Variants in PTPRN2 observed in about 807,000 individuals in gnomAD.
PTPRN2 encodes the protein protein tyrosine phosphatase receptor type N2.
PTPRN2 carries 74 observed loss-of-function variants against 118.8 expected under a neutral mutation model. The observed-to-expected ratio is 0.62, with a 90% CI of 0.52 to 0.76. The LOEUF is 0.76. PTPRN2 is among the 30% of genes least tolerant of loss of function. The pLI, the probability that PTPRN2 is intolerant of heterozygous loss-of-function variation, is 0.00. For missense variants in PTPRN2, 1,481 were observed against 1,394.4 expected (o/e 1.06, Z -0.99); for synonymous variants, 641 against 608.0 (o/e 1.05, Z -0.80).
chr7:158,404,207 C>T (rs1366565392), intron 2 of PTPRN2, among the ~76,000 whole-genome samples: 3 of 152,230 alleles, frequency 2.0e-5, no homozygotes, highest in African/African-American at 7.2e-5. Flanking sequence ...CTGGACGTCA[C>T]CAGAACACCT....
chr7:158,430,368 G>A (rs59362359), intron 2 of PTPRN2, among the ~76,000 whole-genome samples: 4,755 of 152,338 alleles, frequency 0.031, 99 homozygotes, highest in Middle Eastern at 0.086. Context: ...CTGTAGACCC[G>A]GAAGTCGGTA....
At chr7:158,004,751 A>G (rs1251323895) in intron 11 of PTPRN2, among the ~76,000 whole-genome samples, 1 of 152,224 alleles carries the variant, frequency 6.6e-6, no homozygotes, top group African/African-American at 2.4e-5. Context: ...AAGCAAATGC[A>G]TGTAAATTTC....
At position 157,868,447 on chromosome 7, in the gene PTPRN2, C is replaced by G. The variant is rs1810853192; in HGVS notation, c.1788+30226G>C. The G allele has an allele frequency of 6.6e-6, 1 of 152,300 alleles. No homozygotes were observed. The highest frequency in any genetic ancestry group is 1.5e-5 in the Non-Finnish European group (1 of 68,094). 9.4% of individuals were successfully genotyped at this position (152,300 alleles called of 1,614,324 possible). ...GCAGACCCAGCCTCTGGATTAAAACCATGCCTGGAGGAAACTGGCCTTGTG... is the reference window on the plus strand; with the variant it reads ...GCAGACCCAGCCTCTGGATTAAAACGATGCCTGGAGGAAACTGGCCTTGTG... On this transcript the variant is annotated intron_variant, in intron 12 of 22. Coordinates refer to ENST00000389418, the MANE Select transcript of PTPRN2 (RefSeq NM_002847.5). The surrounding 1 kb of genome is among the most constrained non-coding windows in gnomAD (Gnocchi z 5.2).
At chr7:158,225,834 T>C (rs1328165958) in intron 3 of PTPRN2, among the ~76,000 whole-genome samples, 1 of 151,354 alleles carries the variant, frequency 6.6e-6, no homozygotes, top group African/African-American at 2.4e-5. Flanking sequence ...GGGAAGGGAC[T>C]TGGGGCTGTG....
chr7:157,793,425 C>T (rs1005345224), intron 12 of PTPRN2, among the ~76,000 whole-genome samples: 6 of 151,942 alleles, frequency 3.9e-5, no homozygotes, highest in South Asian at 2.1e-4. Flanking sequence ...GAGTTTGACC[C>T]TTGAATTGTT....
chr7:157,551,690 C>A (rs867905518), intron 21 of PTPRN2, among the ~76,000 whole-genome samples: 55 of 137,448 alleles, frequency 4.0e-4, no homozygotes, highest in Non-Finnish European at 7.8e-4. Flanking sequence ...CACCCCACAG[C>A]CACCACACAC....
chr7:157,692,411 A>G (rs1797550808), intron 12 of PTPRN2, among the ~76,000 whole-genome samples: 1 of 151,986 alleles, frequency 6.6e-6, no homozygotes, highest in East Asian at 1.9e-4. Flanking sequence ...CTTTTCTCTC[A>G]CAAACCTAGT....
At chr7:157,818,638 A>G (rs1405900871) in intron 12 of PTPRN2, among the ~76,000 whole-genome samples, 1 of 152,132 alleles carries the variant, frequency 6.6e-6, no homozygotes, top group Admixed American at 6.5e-5. Flanking sequence ...CTGGAGTCCA[A>G]GGCCCTGGGT....
chr7:158,142,956 GAA>G (rs1375911553), intron 6 of PTPRN2, among the ~76,000 whole-genome samples: 1 of 152,124 alleles, frequency 6.6e-6, no homozygotes, highest in African/African-American at 2.4e-5. Flanking sequence ...GTGCTGTTTT[GAA>G]AATGTGCTGC....
At chr7:157,721,195 G>T (rs1228294338) in intron 12 of PTPRN2, among the ~76,000 whole-genome samples, 1 of 152,222 alleles carries the variant, frequency 6.6e-6, no homozygotes, top group Non-Finnish European at 1.5e-5. Flanking sequence ...GAAAATTCCT[G>T]CTAAGAACAC....
At chr7:157,936,547 C>T (rs1799711034) in intron 11 of PTPRN2, among the ~76,000 whole-genome samples, 1 of 152,120 alleles carries the variant, frequency 6.6e-6, no homozygotes, top group Non-Finnish European at 1.5e-5. Context: ...TCTAGTGTCT[C>T]CTCCACTCGG....
At chr7:157,541,748 C>G (rs1372716353) in intron 22 of PTPRN2, among the ~76,000 whole-genome samples, 1 of 152,140 alleles carries the variant, frequency 6.6e-6, no homozygotes, top group Non-Finnish European at 1.5e-5. Flanking sequence ...CAGGGCAGCC[C>G]CAAGCCAAAA....
At chr7:157,920,518 A>G (rs2128769239) in intron 11 of PTPRN2, among the ~76,000 whole-genome samples, 1 of 152,308 alleles carries the variant, frequency 6.6e-6, no homozygotes, top group African/African-American at 2.4e-5. Flanking sequence ...CTTCTTTTGA[A>G]CATGAAGTTC....
Position 158,152,194 on chromosome 7 carries a change from A to G in PTPRN2, c.911-13679T>C, listed in dbSNP as rs1246308765. On this transcript the variant is annotated intron_variant, in intron 6 of 22. Coordinates refer to ENST00000389418, the MANE Select transcript of PTPRN2 (RefSeq NM_002847.5). Reference sequence around the variant, plus strand: ...GTCTCAAAAAAAAAAAAAAAAAACCATGAATGCACAGAATATGTGGTGGTG... The same window carrying G: ...GTCTCAAAAAAAAAAAAAAAAAACCGTGAATGCACAGAATATGTGGTGGTG... 2.1e-5 allele frequency among the ~76,000 whole-genome samples: 3 copies of G among 141,916 alleles called. No individual in the cohort carries two copies. The East Asian group carries it at 6.0e-4, about 29-fold the overall frequency. 93.1% of individuals were successfully genotyped at this position (141,916 alleles called of 152,430 possible). A position where few individuals can be genotyped will look rare whatever the true frequency, so the allele number is the denominator to read the frequency against.
intron 14 of PTPRN2, among the ~76,000 whole-genome samples, chr7:157,648,679 C>A (rs146600118): frequency 0.038 from 5,073 of 133,952 alleles, 205 homozygotes; most frequent in East Asian, 0.13. Context: ...GACCCTTTCA[C>A]TGTGCACTGA....
chr7:158,181,668 G>A (rs924143627), intron 5 of PTPRN2, among the ~76,000 whole-genome samples: 2 of 152,038 alleles, frequency 1.3e-5, no homozygotes, highest in African/African-American at 4.8e-5. Flanking sequence ...AATCTAGGAG[G>A]GTTGTATGCT....
At chr7:158,221,022 T>A (rs1276058566) in intron 3 of PTPRN2, among the ~76,000 whole-genome samples, 1 of 151,882 alleles carries the variant, frequency 6.6e-6, no homozygotes, top group African/African-American at 2.4e-5. Flanking sequence ...AACAGACACA[T>A]AGACCAATGG....
At chr7:158,070,592 CCTGTGG>C (rs1811220608) in intron 11 of PTPRN2, among the ~76,000 whole-genome samples, 1 of 64,214 alleles carries the variant, frequency 1.6e-5, no homozygotes, top group African/African-American at 6.4e-5. Context: ...GGTGGAGGTG[CCTGTGG>C]TGGAGGTGCT....
At chr7:158,057,318 C>T (rs117816101) in intron 11 of PTPRN2, among the ~76,000 whole-genome samples, 2,430 of 152,314 alleles carry the variant, frequency 0.016, 42 homozygotes, top group Non-Finnish European at 0.024. Flanking sequence ...TGACAGCCTC[C>T]CATGACTGTT....
Sources: allele counts gnomAD v4.1 joint callset (sites outside exome capture counted in the v4.1 genomes callset), GRCh38; gene constraint gnomAD v4.1.1; non-coding constraint Gnocchi (gnomAD v3.1); transcripts MANE v1.5; gene names NCBI Gene and HGNC (gene_info 2026-07-23, HGNC 2026-07-21).